Variants in COMMD2 observed in about 807,000 individuals in gnomAD.
COMMD2 encodes COMM domain containing 2.
In COMMD2, 25 loss-of-function variants were observed where a neutral mutation model predicts 22.5. The ratio of observed to expected loss-of-function variants is 1.11; its 90% CI spans 0.81 to 1.55. COMMD2 has a LOEUF of 1.55. Among genes scored for constraint, COMMD2 ranks in the 40% most tolerant of loss-of-function variants. The probability of loss-of-function intolerance (pLI) is 0.00; values close to 1 mark genes in which losing one functional copy is unlikely to be tolerated. For missense variants in COMMD2, 223 were observed against 232.9 expected (o/e 0.96, Z 0.28); for synonymous variants, 98 against 91.2 (o/e 1.07, Z -0.42).
chr3:149,750,448 T>C (rs535894504), intron 4 of COMMD2: 6 of 532,584 alleles, frequency 1.1e-5, no homozygotes, highest in African/African-American at 7.6e-5. Context: ...TATATAACCA[T>C]CTCCTTTTCG....
At chr3:149,749,383 C>T (rs116871014) in intron 4 of COMMD2, among the ~76,000 whole-genome samples, 2,347 of 152,290 alleles carry the variant, frequency 0.015, 38 homozygotes, top group East Asian at 0.076. Context: ...TATAACCTAT[C>T]TGGACATTAC....
At chr3:149,750,100 G>A (rs916049639) in intron 4 of COMMD2, among the ~76,000 whole-genome samples, 2 of 152,086 alleles carry the variant, frequency 1.3e-5, no homozygotes, top group Non-Finnish European at 2.9e-5. Flanking sequence ...ACACCCTTTC[G>A]TTTCTGTGAC....
chr3:149,738,707 A>AGT lies in COMMD2; in HGVS notation c.*2813_*2814insAC, dbSNP rs1238132944. 6 of 152,232 alleles carry AGT rather than the reference A, an allele frequency of 3.9e-5. No homozygotes were observed. The East Asian group carries it at 1.2e-3, about 29-fold the overall frequency. 9.4% of individuals were successfully genotyped at this position (152,232 alleles called of 1,614,324 possible). A position where few individuals can be genotyped will look rare whatever the true frequency, so the allele number is the denominator to read the frequency against. ...AACTCCGAAGACTTATCTCTTAACC[A>AGT]CTTCATAAGATTAAAACGCTGAAGG... On this transcript the variant is annotated 3_prime_UTR_variant, in exon 5 of 5. Coordinates refer to ENST00000473414, the MANE Select transcript of COMMD2 (RefSeq NM_016094.4).
At position 149,741,482 on chromosome 3, in the gene COMMD2, C is replaced by T. The variant is rs1376788081; in HGVS notation, c.*39G>A. 2.0e-6 allele frequency: 3 copies of T among 1,504,694 alleles called. No individual in the cohort carries two copies. The African/African-American group carries it at 4.2e-5, about 21-fold the overall frequency. The allele number at this position is 1,504,694 out of a possible 1,614,324, so 93.2% of individuals were successfully genotyped here. On this transcript the variant is annotated 3_prime_UTR_variant, in exon 5 of 5. Transcript: ENST00000473414. ...AAGTAATTGCTGTATATCATCAATT[C>T]ATAAGTGATTCAAATGAATTAAAAC...
chr3:149,749,812 T>C (rs1478238154), intron 4 of COMMD2, among the ~76,000 whole-genome samples: 1 of 152,236 alleles, frequency 6.6e-6, no homozygotes, highest in African/African-American at 2.4e-5. Context: ...TTGTTGTTTT[T>C]GTTTTAAACA....
At chr3:149,746,772 ACT>A (rs1162238297) in intron 4 of COMMD2, among the ~76,000 whole-genome samples, 2 of 152,112 alleles carry the variant, frequency 1.3e-5, no homozygotes, top group African/African-American at 2.4e-5. Flanking sequence ...ACACAGCGAG[ACT>A]CTGTCTCAAA....
In COMMD2 at chr3:149,750,693, C is replaced by A; in HGVS notation, c.387G>T (p.Trp129Cys). The A allele has an allele frequency of 1.3e-6, 2 of 1,575,074 alleles. No individual in the cohort carries two copies. The highest frequency in any genetic ancestry group is 1.7e-6 in the Non-Finnish European group (2 of 1,159,910). The change falls in exon 4 of 5, where the codon TGG becomes TGT. Residue 129 changes from tryptophan (W) to cysteine (C), a missense_variant. Coordinates refer to ENST00000473414, the MANE Select transcript of COMMD2 (RefSeq NM_016094.4). ...PSLPSYHNLEWRLDVQLASRS... is the reference protein window; with the variant it reads ...PSLPSYHNLECRLDVQLASRS... ...AATGCTATACCTGTACATCTAGTCG[C>A]CATTCAAGGTTATGATAACTGGGAA...
chr3:149,741,833 CTT>C, intron 4 of COMMD2, 115 bp from the exon 5 acceptor site: 1 of 774,884 alleles, frequency 1.3e-6, no homozygotes, highest in Non-Finnish European at 2.1e-6. Flanking sequence ...GAATTACAGA[CTT>C]CAAAATGAAA....
intron 4 of COMMD2, 74 bp downstream of exon 4, chr3:149,750,604 G>A (rs1434387829): frequency 1.8e-6 from 2 of 1,087,740 alleles, no homozygotes; most frequent in South Asian, 1.8e-5. Context: ...AGGTGGTAAA[G>A]AATACAATAA....
At chr3:149,752,155 G>T in intron 2 of COMMD2, 55 bp downstream of exon 2, 8 of 1,436,610 alleles carry the variant, frequency 5.6e-6, no homozygotes, top group Non-Finnish European at 7.8e-6. Context: ...GGGAGACAGG[G>T]AATGGCTCGC....
At position 149,741,213 on chromosome 3, in the gene COMMD2, C is replaced by G. The variant is rs1401427276; in HGVS notation, c.*308G>C. 3 of 264,382 alleles carry G rather than the reference C, an allele frequency of 1.1e-5. No individual in the cohort carries two copies. The Admixed American group carries it at 1.4e-4, about 12-fold the overall frequency. The allele number at this position is 264,382 out of a possible 1,614,324, so 16.4% of individuals were successfully genotyped here. ...TGAGTAGCTGGGACTCTGATAGATG[C>G]GTGCCACCACACCTGGCTAATTTTT... On this transcript the variant is annotated 3_prime_UTR_variant, in exon 5 of 5. Transcript: ENST00000473414.
At chr3:149,752,312 T>C in intron 1 of COMMD2, 25 bp from the exon 2 acceptor site, 1 of 1,614,008 alleles carries the variant, frequency 6.2e-7, no homozygotes, top group East Asian at 2.2e-5. Context: ...AGAAGGCTGT[T>C]GAGTGCCAGG....
intron 4 of COMMD2, among the ~76,000 whole-genome samples, chr3:149,745,655 A>G (rs1039708476): frequency 6.6e-6 from 1 of 152,254 alleles, no homozygotes; most frequent in Non-Finnish European, 1.5e-5. Context: ...AGATATAGAA[A>G]CAAGGATGGA....
At chr3:149,751,007 C>T (rs1402210516) in intron 3 of COMMD2, among the ~76,000 whole-genome samples, 156 bp from the exon 4 acceptor site, 2 of 152,140 alleles carry the variant, frequency 1.3e-5, no homozygotes, top group Non-Finnish European at 2.9e-5. Context: ...ATCTGTGTTA[C>T]CAATACATAA....
At chr3:149,742,976 AAAAAAGAAAAAG>A (rs1297375021) in intron 4 of COMMD2, among the ~76,000 whole-genome samples, 5 of 139,566 alleles carry the variant, frequency 3.6e-5, no homozygotes, top group East Asian at 4.9e-4. Flanking sequence ...AAAAAAAAAA[AAAAAAGAAAAAG>A]AAAAAGAAAA....
Position 149,739,674 on chromosome 3 carries a change from A to G in COMMD2, c.*1847T>C, listed in dbSNP as rs1432945398. On this transcript the variant is annotated 3_prime_UTR_variant, in exon 5 of 5. Coordinates refer to ENST00000473414, the MANE Select transcript of COMMD2 (RefSeq NM_016094.4). ...AACCCTTACAGAGGTATTTTTTATC[A>G]TATGTTTTGCAGGCATGTTGCTTTT... The G allele has an allele frequency of 6.6e-6, 1 of 152,168 alleles. No individual in the cohort carries two copies. Among genetic ancestry groups the G allele is most frequent in the Non-Finnish European group, 1.5e-5 (1 of 68,026 alleles). 9.4% of individuals were successfully genotyped at this position (152,168 alleles called of 1,614,324 possible).
rs1194330362 is a variant in COMMD2 at position 149,740,519 on chromosome 3, C to T, written c.*1002G>A. 3.3e-5 allele frequency: 5 copies of T among 152,280 alleles called. No homozygotes were observed. The East Asian group carries it at 7.7e-4, about 23-fold the overall frequency. 9.4% of individuals were successfully genotyped at this position (152,280 alleles called of 1,614,324 possible). On this transcript the variant is annotated 3_prime_UTR_variant, in exon 5 of 5. Coordinates refer to ENST00000473414, the MANE Select transcript of COMMD2 (RefSeq NM_016094.4). Reference sequence around the variant, plus strand: ...TTAGTCCTTGATAAAATACAATATACGACCACACAAATTTGAGTACTATTT... The same window carrying T: ...TTAGTCCTTGATAAAATACAATATATGACCACACAAATTTGAGTACTATTT...
chr3:149,745,106 T>G (rs10804742), intron 4 of COMMD2, among the ~76,000 whole-genome samples: 80,303 of 151,822 alleles, frequency 0.53, 21,659 homozygotes, highest in African/African-American at 0.63. Flanking sequence ...ATAAATTACC[T>G]CTGAGCCACA....
chr3:149,750,045 T>C (rs1403047285), intron 4 of COMMD2, among the ~76,000 whole-genome samples: 1 of 152,216 alleles, frequency 6.6e-6, no homozygotes, highest in Non-Finnish European at 1.5e-5. Context: ...ATCTACTAAC[T>C]CATCTCTCTC....
Sources: allele counts gnomAD v4.1 joint callset (sites outside exome capture counted in the v4.1 genomes callset), GRCh38; gene constraint gnomAD v4.1.1; transcripts MANE v1.5; gene names NCBI Gene and HGNC (gene_info 2026-07-23, HGNC 2026-07-21).